ACYP2: variants seen among roughly 807,000 people sequenced by gnomAD.
ACYP2 encodes acylphosphatase 2, also known as acylphosphatase-2.
In ACYP2, 12 loss-of-function variants were observed where a neutral mutation model predicts 11.2. That is an observed-to-expected ratio of 1.08 (90% CI 0.69 to 1.74). The LOEUF (loss-of-function observed/expected upper bound fraction) is 1.74. Among genes scored for constraint, ACYP2 ranks in the 40% most tolerant of loss-of-function variants. ACYP2 has a pLI of 0.00. For missense variants in ACYP2, 134 were observed against 101.9 expected (o/e 1.31, Z -1.35); for synonymous variants, 43 against 32.2 (o/e 1.33, Z -1.13).
At chr2:54,222,350 G>A (rs1461772307) in intron 6 of ACYP2, among the ~76,000 whole-genome samples, 1 of 152,038 alleles carries the variant, frequency 6.6e-6, no homozygotes, top group East Asian at 1.9e-4. Flanking sequence ...AGAAGTTCAA[G>A]AGCAGTCTGG....
chr2:54,010,541 G>T (rs1490475828), intron 2 of ACYP2, among the ~76,000 whole-genome samples: 1 of 151,186 alleles, frequency 6.6e-6, no homozygotes, highest in Non-Finnish European at 1.5e-5. Flanking sequence ...TACATTGTAT[G>T]CCTGTATCAA....
intron 2 of ACYP2, among the ~76,000 whole-genome samples, chr2:54,015,228 C>T (rs1282092723): frequency 6.6e-6 from 1 of 151,582 alleles, no homozygotes; most frequent in African/African-American, 2.4e-5. Flanking sequence ...AAATAAATTA[C>T]AGGCGGGTGT....
chr2:54,138,583 T>C, intron 5 of ACYP2, 56 bp from the exon 3 acceptor site: 1 of 1,396,760 alleles, frequency 7.2e-7, no homozygotes, highest in Non-Finnish European at 9.9e-7. Flanking sequence ...TCAAGTATGT[T>C]ATGAACTCAG....
chr2:53,985,131 G>T (rs1298905215), intron 2 of ACYP2, among the ~76,000 whole-genome samples: 1 of 149,666 alleles, frequency 6.7e-6, no homozygotes, highest in Non-Finnish European at 1.5e-5. Context: ...GCACAGTGGC[G>T]CAATTTCCGC....
At chr2:54,265,125 G>A (rs1004080367) in intron 6 of ACYP2, among the ~76,000 whole-genome samples, 1 of 152,160 alleles carries the variant, frequency 6.6e-6, no homozygotes, top group Non-Finnish European at 1.5e-5. Flanking sequence ...CAAAAGATAA[G>A]CATGTGTATT....
At chr2:54,095,428 G>A (rs1334085742) in intron 4 of ACYP2, among the ~76,000 whole-genome samples, 2 of 152,330 alleles carry the variant, frequency 1.3e-5, no homozygotes, top group Admixed American at 1.3e-4. Context: ...TGGTGGCCGG[G>A]CAGAGGGGCT....
rs141714631 is a variant in ACYP2, at chr2:54,018,662, G to A, written c.63-32296G>A. 9.9e-4 allele frequency among the ~76,000 whole-genome samples: 151 copies of A among 152,160 alleles called. 1 individual carries two copies. The highest frequency in any genetic ancestry group is 3.6e-3 in the African/African-American group (148 of 41,508). On this transcript the variant is annotated intron_variant, in intron 2 of 6. Transcript: ENST00000607452. ...ACCCCTTCTTTACAAAAATAAATAA[G>A]TAGAAATAAAATACAAAATAGAACT...
At chr2:54,194,630 CTA>C (rs1442852252) in intron 6 of ACYP2, among the ~76,000 whole-genome samples, 2 of 151,906 alleles carry the variant, frequency 1.3e-5, no homozygotes, top group Non-Finnish European at 2.9e-5. Context: ...ACATCAAAGA[CTA>C]TGTTATTTTT....
intron 6 of ACYP2, among the ~76,000 whole-genome samples, chr2:54,178,385 G>A (rs1215150): frequency 0.53 from 80,887 of 151,884 alleles, 21,975 homozygotes; most frequent in East Asian, 0.7. Flanking sequence ...GATTTGTTCT[G>A]ATCCACCTGA....
intron 2 of ACYP2, among the ~76,000 whole-genome samples, chr2:54,015,645 T>TCACACACACACACACACACACACACA (rs4027206): frequency 1.5e-5 from 2 of 130,420 alleles, no homozygotes; most frequent in African/African-American, 6.2e-5. Flanking sequence ...TGAGACCCCG[T>TCACACACACACACACACACACACACA]CACACACACA....
intron 6 of ACYP2, among the ~76,000 whole-genome samples, chr2:54,233,354 T>C (rs1424111535): frequency 6.7e-6 from 1 of 149,390 alleles, no homozygotes; most frequent in African/African-American, 2.5e-5. Context: ...TGGCCCAAGC[T>C]GGAGTGCAGT....
chr2:54,089,269 A>G (rs1678099270), intron 4 of ACYP2, among the ~76,000 whole-genome samples: 1 of 152,160 alleles, frequency 6.6e-6, no homozygotes, highest in Non-Finnish European at 1.5e-5. Flanking sequence ...TCAATGTGTT[A>G]ACTTGCTAAC....
intron 2 of ACYP2, among the ~76,000 whole-genome samples, chr2:54,041,202 C>T (rs1310175915): frequency 1.3e-5 from 2 of 152,034 alleles, no homozygotes; most frequent in African/African-American, 2.4e-5. Flanking sequence ...CTGCCTCAGC[C>T]TCCTAAAGTG....
At chr2:54,158,957 G>T (rs1422815305) in intron 6 of ACYP2, among the ~76,000 whole-genome samples, 2 of 152,020 alleles carry the variant, frequency 1.3e-5, no homozygotes, top group Non-Finnish European at 2.9e-5. Context: ...TGGGGCAAGG[G>T]TCAGCTAACT....
chr2:54,198,925 C>G (rs1161713736), intron 6 of ACYP2, among the ~76,000 whole-genome samples: 1 of 152,204 alleles, frequency 6.6e-6, no homozygotes, highest in Non-Finnish European at 1.5e-5. Flanking sequence ...CTCCCCTCAG[C>G]TTCCTGGTAG....
At chr2:54,053,249 CTGCTCTGCATAGGCA>C (rs574254968) in intron 3 of ACYP2, among the ~76,000 whole-genome samples, 99 of 152,332 alleles carry the variant, frequency 6.5e-4, no homozygotes, top group Non-Finnish European at 9.8e-4. Flanking sequence ...TCCTATATTG[CTGCTCTGCATAGGCA>C]TGCTGGGGGC....
chr2:54,038,875 G>A (rs1417875020), intron 2 of ACYP2, among the ~76,000 whole-genome samples: 1 of 149,826 alleles, frequency 6.7e-6, no homozygotes, highest in African/African-American at 2.5e-5. Flanking sequence ...GGAAAAAAAA[G>A]TAAAGCCAGT....
chr2:54,210,879 T>C (rs1419801765), intron 6 of ACYP2, among the ~76,000 whole-genome samples: 4 of 152,204 alleles, frequency 2.6e-5, no homozygotes, highest in Non-Finnish European at 4.4e-5. Context: ...ATGCAATTGC[T>C]GCTAGGCCCA....
Position 54,139,005 on chromosome 2 carries a change from A to G in ACYP2, c.404+257A>G, listed in dbSNP as rs180834013. ...TGGACAGTAAGAATAGTATTGATGG[A>G]CCAGATTTTGTTTGTAGATTACAAT... On this transcript the variant is annotated intron_variant, in intron 6 of 6. Coordinates refer to ENST00000607452, the MANE Select transcript of ACYP2 (RefSeq NM_001320586.2). Among the ~76,000 whole-genome samples the G allele has an allele frequency of 4.6e-5, 7 of 152,338 alleles. No homozygotes were observed. The East Asian group carries it at 1.3e-3, about 29-fold the overall frequency.
Sources: allele counts gnomAD v4.1 joint callset (sites outside exome capture counted in the v4.1 genomes callset), GRCh38; gene constraint gnomAD v4.1.1; transcripts MANE v1.5; gene names NCBI Gene and HGNC (gene_info 2026-07-23, HGNC 2026-07-21).